HIVEP1: variants seen among roughly 807,000 people sequenced by gnomAD.
HIVEP1 encodes the protein zinc finger protein 40.
A neutral mutation model predicts 180.0 loss-of-function variants in HIVEP1; 36 were observed. That is an observed-to-expected ratio of 0.20 (90% CI 0.15 to 0.26). The LOEUF (loss-of-function observed/expected upper bound fraction) is 0.26. HIVEP1 is among the 10% of genes least tolerant of loss of function. The pLI is 1.00. For missense variants in HIVEP1, 3,143 were observed against 3,268.7 expected (o/e 0.96, Z 0.94); for synonymous variants, 1,239 against 1,239.0 (o/e 1.00, Z 0.00).
At chr6:12,086,505 G>A (rs1420887663) in intron 2 of HIVEP1, among the ~76,000 whole-genome samples, 2 of 152,014 alleles carry the variant, frequency 1.3e-5, no homozygotes, top group Admixed American at 6.6e-5. Context: ...GCATGATGGG[G>A]GATGTCTTAG....
chr6:12,165,096 A>G (rs1282022858), downstream of HIVEP1: 3 of 511,520 alleles, frequency 5.9e-6, no homozygotes, highest in Non-Finnish European at 1.2e-5. Context: ...ATTCCCCTCA[A>G]CCCTTCATTT....
At chr6:12,196,686 A>G in the HIVEP1 span, among the ~76,000 whole-genome samples, 4 of 152,072 alleles carry the variant, frequency 2.6e-5, no homozygotes, top group Non-Finnish European at 5.9e-5. Flanking sequence ...TGTGATTTCC[A>G]TTTGTGACAT....
At chr6:12,015,801 C>T (rs1767703354) in intron 2 of HIVEP1, 133 bp downstream of exon 2, 1 of 722,246 alleles carries the variant, frequency 1.4e-6, no homozygotes, top group Non-Finnish European at 2.4e-6. Flanking sequence ...TTGCTCATTT[C>T]CAGCAGTCCT....
At chr6:12,017,513 C>A (rs937900554) in intron 2 of HIVEP1, among the ~76,000 whole-genome samples, 1 of 152,126 alleles carries the variant, frequency 6.6e-6, no homozygotes, top group Non-Finnish European at 1.5e-5. Flanking sequence ...CTTCCACAGT[C>A]TGCAAGGGGA....
intron 2 of HIVEP1, among the ~76,000 whole-genome samples, chr6:12,042,072 CTTTTTTT>C (rs551684741): frequency 1.6e-5 from 2 of 128,166 alleles, no homozygotes; most frequent in Non-Finnish European, 1.7e-5. Flanking sequence ...TATTCGTACG[CTTTTTTT>C]TTTTTTTTTT....
At chr6:12,141,691 C>CAAAAA (rs60419579) in intron 7 of HIVEP1, among the ~76,000 whole-genome samples, 419 of 19,224 alleles carry the variant, frequency 0.022, 98 homozygotes, top group East Asian at 0.082. Flanking sequence ...AAATGGAAAG[C>CAAAAA]AAAAAAAAAA....
At chr6:12,190,738 T>A in the HIVEP1 span, among the ~76,000 whole-genome samples, 1 of 152,178 alleles carries the variant, frequency 6.6e-6, no homozygotes, top group Non-Finnish European at 1.5e-5. Context: ...CTCCCCAGGA[T>A]GGTAAACTCC....
At position 12,164,457 on chromosome 6, in the gene HIVEP1, C is replaced by T; in HGVS notation, c.8153C>T (p.Thr2718Ile). ...DDDEDRLVIAT is the reference protein window; with the variant it reads ...DDDEDRLVIAI ...GACGAGGACAGGCTTGTGATAGCAA[C>T]CTGATGGATTTTATTTTTTATTTGC... The change falls in exon 9 of 9, where the codon ACC (threonine) becomes ATC (isoleucine). Residue 2718 changes from threonine to isoleucine, a missense_variant. By Grantham distance (89) the Thr-to-Ile change is moderately conservative (BLOSUM62 -1). Around this residue, in one of 12 missense-constraint regions of HIVEP1, gnomAD observed 11 missense variants for 24.0 expected, o/e 0.46. Transcript: ENST00000379388. 3.8e-6 allele frequency: 6 copies of T among 1,575,848 alleles called. No individual in the cohort carries two copies. Among genetic ancestry groups the T allele is most frequent in the Non-Finnish European group, 5.1e-6 (6 of 1,166,300 alleles).
At chr6:12,196,705 C>T in the HIVEP1 span, among the ~76,000 whole-genome samples, 22,310 of 152,134 alleles carry the variant, frequency 0.15, 2,011 homozygotes, top group Middle Eastern at 0.23. Context: ...ATATTGCCCC[C>T]GAAGAGACAG....
At chr6:12,069,798 C>T (rs1018171380) in intron 2 of HIVEP1, among the ~76,000 whole-genome samples, 7 of 151,734 alleles carry the variant, frequency 4.6e-5, no homozygotes, top group African/African-American at 1.2e-4. Context: ...AACTTTATAA[C>T]CTTTTAATTT....
chr6:12,145,695 G>A (rs1300583180), intron 7 of HIVEP1, among the ~76,000 whole-genome samples: 3 of 151,816 alleles, frequency 2.0e-5, no homozygotes, highest in Non-Finnish European at 2.9e-5. Context: ...CATCACTTAC[G>A]CCCTTTATTC....
chr6:12,153,469 A>G (rs1301006542), intron 7 of HIVEP1, among the ~76,000 whole-genome samples: 3 of 149,814 alleles, frequency 2.0e-5, no homozygotes, highest in African/African-American at 4.9e-5. Context: ...ATCAAATAGT[A>G]TTGGTTTGTA....
chr6:12,175,965 G>A, the HIVEP1 span, among the ~76,000 whole-genome samples: 48,956 of 152,002 alleles, frequency 0.32, 9,053 homozygotes, highest in East Asian at 0.47. Context: ...GCCCTCCACA[G>A]AGTCCAGGCC....
intron 2 of HIVEP1, among the ~76,000 whole-genome samples, chr6:12,048,234 C>T (rs1770266269): frequency 6.6e-6 from 1 of 152,238 alleles, no homozygotes; most frequent in Non-Finnish European, 1.5e-5. Flanking sequence ...AGCGTAAGGC[C>T]TTGGGAAGGC....
At chr6:12,169,624 G>A (rs1185787457), downstream of HIVEP1, among the ~76,000 whole-genome samples, 1 of 152,180 alleles carries the variant, frequency 6.6e-6, no homozygotes, top group Non-Finnish European at 1.5e-5. Flanking sequence ...AGTTAAGAAA[G>A]TGATTGTCTT....
At chr6:12,023,406 T>C (rs1674159615) in intron 2 of HIVEP1, among the ~76,000 whole-genome samples, 1 of 152,228 alleles carries the variant, frequency 6.6e-6, no homozygotes, top group Non-Finnish European at 1.5e-5. Context: ...GGTCAGCAGT[T>C]CCATGCTGAC....
chr6:12,073,149 G>A (rs113964383), intron 2 of HIVEP1, among the ~76,000 whole-genome samples: 2 of 152,262 alleles, frequency 1.3e-5, no homozygotes, highest in African/African-American at 4.8e-5. Context: ...TTGCTTTGAG[G>A]CCTTTTAGAG....
At position 12,122,592 on chromosome 6, in the gene HIVEP1, A is replaced by G. The variant is rs184132790; in HGVS notation, c.2797A>G (p.Met933Val). The G allele has an allele frequency of 1.8e-4, 297 of 1,614,238 alleles. No individual in the cohort carries two copies. Among genetic ancestry groups the G allele is most frequent in the Admixed American group, 1.8e-4 (11 of 60,024 alleles). Reference sequence around the variant, plus strand: ...AGGATGCCATGCTGCTGGTGAAGCCATGTCAGTGAGGAGCAAGGCACTGGC... The same window carrying G: ...AGGATGCCATGCTGCTGGTGAAGCCGTGTCAGTGAGGAGCAAGGCACTGGC... ...HQGCHAAGEA[M>V]SVRSKALAQG... The change falls in exon 4 of 9, where the codon ATG (methionine) becomes GTG (valine). Residue 933 changes from methionine to valine, a missense_variant. This residue lies in a region of HIVEP1 where 204 missense variants were observed against 243.7 expected (regional missense o/e 0.84). Coordinates refer to ENST00000379388, the MANE Select transcript of HIVEP1 (RefSeq NM_002114.4).
Position 12,163,304 on chromosome 6 carries a change from C to T in HIVEP1, c.7000C>T (p.Pro2334Ser). The change falls in exon 9 of 9, where the codon CCT becomes TCT. Residue 2334 changes from proline (P) to serine (S), a missense_variant. Around this residue, in one of 12 missense-constraint regions of HIVEP1, gnomAD observed 595 missense variants for 602.2 expected, o/e 0.99. Transcript: ENST00000379388. ...TTAGAGCCCATCATCTGTAAGACTT[C>T]CTCCTGCTGCAGCTGAGCACAGCCC... The part of the protein sequence containing the change: ...ITQSPSSVRL[P>S]PAAAEHSPQT... The T allele has an allele frequency of 6.2e-7, 1 of 1,613,914 alleles. No homozygotes were observed. The highest frequency in any genetic ancestry group is 2.2e-5 in the East Asian group (1 of 44,886).
Sources: allele counts gnomAD v4.1 joint callset (sites outside exome capture counted in the v4.1 genomes callset), GRCh38; gene constraint gnomAD v4.1.1; regional missense constraint gnomAD v4.1.1; transcripts MANE v1.5; gene names NCBI Gene and HGNC (gene_info 2026-07-23, HGNC 2026-07-21).